TXNDC11: variants seen among roughly 807,000 people sequenced by gnomAD.
The protein encoded by TXNDC11 is thioredoxin domain-containing protein 11.
A neutral mutation model predicts 78.0 loss-of-function variants in TXNDC11; 68 were observed. That is an observed-to-expected ratio of 0.87 (90% CI 0.72 to 1.07). TXNDC11 has a LOEUF of 1.07. TXNDC11 is among the 50% of genes least tolerant of loss of function. TXNDC11 has a pLI of 0.00. For synonymous variants in TXNDC11, 571 were observed against 495.2 expected, an observed-to-expected ratio of 1.15 and a Z score of -2.03; for missense variants, 1,389 against 1,221.8, an observed-to-expected ratio of 1.14 and a Z score of -2.04.
chr16:11,716,247 G>T (rs923850530), intron 5 of TXNDC11, among the ~76,000 whole-genome samples: 1 of 152,204 alleles, frequency 6.6e-6, no homozygotes, highest in Non-Finnish European at 1.5e-5. Flanking sequence ...GTCAAAATTT[G>T]CTGCAAATCT....
intron 7 of TXNDC11, among the ~76,000 whole-genome samples, chr16:11,693,548 AAAAT>A (rs2050777837): frequency 6.6e-6 from 1 of 152,214 alleles, no homozygotes; most frequent in South Asian, 2.1e-4. Flanking sequence ...TATAAAAATA[AAAAT>A]AAAAAAGTTT....
At chr16:11,688,187 C>T in intron 9 of TXNDC11, 116 bp downstream of exon 9, 3 of 1,150,740 alleles carry the variant, frequency 2.6e-6, no homozygotes, top group Non-Finnish European at 3.7e-6. Context: ...ATAATTGGGC[C>T]ATCACGTGGT....
intron 4 of TXNDC11, among the ~76,000 whole-genome samples, chr16:11,722,342 C>T (rs960717855): frequency 6.6e-6 from 1 of 152,208 alleles, no homozygotes; most frequent in African/African-American, 2.4e-5. Context: ...CTAAGCTGGG[C>T]GTAGAATGCC....
chr16:11,704,331 C>T (rs1313821382), intron 5 of TXNDC11, among the ~76,000 whole-genome samples: 1 of 152,038 alleles, frequency 6.6e-6, no homozygotes, highest in African/African-American at 2.4e-5. Context: ...ATGAAAGAAA[C>T]AGAAAATAAC....
chr16:11,695,705 C>T (rs1013966532), intron 7 of TXNDC11, among the ~76,000 whole-genome samples: 1 of 152,150 alleles, frequency 6.6e-6, no homozygotes, highest in East Asian at 1.9e-4. Context: ...GTAATGATAA[C>T]GCACAGCCCT....
At chr16:11,715,597 A>G (rs917310085) in intron 5 of TXNDC11, among the ~76,000 whole-genome samples, 1 of 152,230 alleles carries the variant, frequency 6.6e-6, no homozygotes, top group African/African-American at 2.4e-5. Context: ...TCCCGTAGCT[A>G]AAATCTTTCT....
intron 11 of TXNDC11, among the ~76,000 whole-genome samples, chr16:11,683,625 G>T (rs1009054338): frequency 6.6e-6 from 1 of 152,106 alleles, no homozygotes; most frequent in Non-Finnish European, 1.5e-5. Context: ...GGCCATGAAA[G>T]CTAAGAATTC....
At chr16:11,721,374 GA>G (rs1210058370) in intron 5 of TXNDC11, 2 of 317,710 alleles carry the variant, frequency 6.3e-6, no homozygotes, top group African/African-American at 4.4e-5. Context: ...CCGGGAGGCA[GA>G]TTCCAGTGAG....
chr16:11,703,551 G>A (rs984555144), intron 5 of TXNDC11: 8 of 595,160 alleles, frequency 1.3e-5, no homozygotes, highest in African/African-American at 5.6e-5. Flanking sequence ...CACAGAGGGA[G>A]AGAGAGGGGA....
intron 4 of TXNDC11, among the ~76,000 whole-genome samples, chr16:11,725,060 G>C (rs1322589269): frequency 6.6e-6 from 1 of 152,094 alleles, no homozygotes; most frequent in Non-Finnish European, 1.5e-5. Flanking sequence ...TCTTAACATG[G>C]TTTGCAAGAA....
intron 6 of TXNDC11, among the ~76,000 whole-genome samples, chr16:11,698,635 C>G (rs1024072032): frequency 6.6e-6 from 1 of 152,228 alleles, no homozygotes; most frequent in Non-Finnish European, 1.5e-5. Flanking sequence ...CCTCTATCAC[C>G]CTGTCCAAGG....
intron 11 of TXNDC11, among the ~76,000 whole-genome samples, chr16:11,680,241 G>T (rs1339198043): frequency 1.3e-5 from 2 of 152,218 alleles, no homozygotes; most frequent in African/African-American, 4.8e-5. Flanking sequence ...TCCCACCTAT[G>T]TCCCTCTTGT....
chr16:11,692,306 C>G (rs894463305), intron 7 of TXNDC11: 19 of 482,250 alleles, frequency 3.9e-5, no homozygotes, highest in African/African-American at 3.5e-4. Flanking sequence ...CGAGCCATCC[C>G]TTTGTCCAGC....
At chr16:11,720,229 G>A (rs2051661761) in intron 5 of TXNDC11, among the ~76,000 whole-genome samples, 1 of 152,108 alleles carries the variant, frequency 6.6e-6, no homozygotes, top group Non-Finnish European at 1.5e-5. Context: ...CTAAGTCAAA[G>A]AAAAATACAG....
Position 11,736,039 on chromosome 16 carries a change from G to A in TXNDC11, c.449C>T (p.Ala150Val), listed in dbSNP as rs2052210588. Residue 150 changes from alanine to valine, a missense_variant, in exon 2 of 12, where the codon GCA becomes GTA. Ala to Val is a moderately conservative substitution (Grantham distance 64). Coordinates refer to ENST00000283033, the MANE Select transcript of TXNDC11 (RefSeq NM_015914.7). The stretch of plus-strand genomic sequence containing the variant: ...TACCTGATCTGAAAGCCGACTTGCT[G>A]CTTGCTCAATTTCTGCCCTGGCAGC... ...SIAARAEIEQAASRLSDQVLF... is the reference protein window; with the variant it reads ...SIAARAEIEQVASRLSDQVLF... 6.2e-7 allele frequency: 1 copy of A among 1,614,076 alleles called. No homozygotes were observed. Among genetic ancestry groups the A allele is most frequent in the Non-Finnish European group, 8.5e-7 (1 of 1,180,032 alleles).
chr16:11,732,021 A>T (rs1400039447), intron 3 of TXNDC11, among the ~76,000 whole-genome samples: 3 of 152,192 alleles, frequency 2.0e-5, no homozygotes, highest in African/African-American at 4.8e-5. Flanking sequence ...GGCTTTGATG[A>T]GTTTTCCTGT....
At chr16:11,684,515 G>T (rs182867960) in intron 10 of TXNDC11, among the ~76,000 whole-genome samples, 1 of 152,160 alleles carries the variant, frequency 6.6e-6, no homozygotes, top group African/African-American at 2.4e-5. Flanking sequence ...ACTGACACCT[G>T]AGGAGTCATT....
At chr16:11,717,936 G>A (rs1488631078) in intron 5 of TXNDC11, among the ~76,000 whole-genome samples, 1 of 151,038 alleles carries the variant, frequency 6.6e-6, no homozygotes, top group African/African-American at 2.5e-5. Context: ...CTGAGGCCGA[G>A]CCCTGGAGAA....
intron 5 of TXNDC11, among the ~76,000 whole-genome samples, chr16:11,709,528 G>A (rs944253998): frequency 6.3e-5 from 9 of 141,940 alleles, no homozygotes; most frequent in East Asian, 2.2e-4. Flanking sequence ...TCCGCCTCCC[G>A]GGTTCACGCC....
Sources: gnomAD v4.1 joint callset for allele counts (sites outside exome capture counted in the v4.1 genomes callset) on GRCh38, gnomAD v4.1.1 for gene constraint, MANE v1.5 for transcripts, NCBI Gene and HGNC (gene_info 2026-07-23, HGNC 2026-07-21) for gene names.